The following VPS13B variants were observed in gnomAD, a reference collection of about 807,000 sequenced individuals.
VPS13B encodes intermembrane lipid transfer protein VPS13B.
In VPS13B, 285 loss-of-function variants were observed where a neutral mutation model predicts 426.4. That is an observed-to-expected ratio of 0.67 (90% confidence interval 0.61 to 0.74). The LOEUF (loss-of-function observed/expected upper bound fraction) is 0.74. Ranked by LOEUF, VPS13B falls within the 30% of genes least tolerant of loss-of-function variation. The pLI is 0.00. For synonymous variants in VPS13B, 1,676 were observed against 1,676.4 expected, an observed-to-expected ratio of 1.00 and a Z score of 0.01; for missense variants, 4,537 against 4,782.6, an observed-to-expected ratio of 0.95 and a Z score of 1.51.
chr8:99,040,542 A>G (rs1232736869), intron 3 of VPS13B, among the ~76,000 whole-genome samples: 2 of 152,198 alleles, frequency 1.3e-5, no homozygotes, highest in Non-Finnish European at 2.9e-5. Context: ...GCGTAAAAAC[A>G]TTGTAGATGA....
chr8:99,558,917 A>G (rs367722977), intron 31 of VPS13B, among the ~76,000 whole-genome samples: 4 of 152,192 alleles, frequency 2.6e-5, no homozygotes, highest in East Asian at 1.9e-4. Flanking sequence ...TCCTTTGGGT[A>G]TATACCCAGT....
intron 19 of VPS13B, among the ~76,000 whole-genome samples, chr8:99,336,696 G>T (rs1375414351): frequency 2.0e-5 from 3 of 152,098 alleles, no homozygotes; most frequent in Non-Finnish European, 1.5e-5. Flanking sequence ...TCAAAAAGTG[G>T]GTGAAGGATA....
intron 2 of VPS13B, among the ~76,000 whole-genome samples, chr8:99,028,651 T>C (rs373172626): frequency 0.73 from 54,919 of 75,342 alleles, 20,922 homozygotes; most frequent in South Asian, 0.86. Context: ...CCGGACGGGG[T>C]GGCTGGCCAG....
intron 61 of VPS13B, 103 bp downstream of exon 61, chr8:99,871,800 T>G: frequency 6.3e-7 from 1 of 1,585,368 alleles, no homozygotes. Flanking sequence ...GCCTCTGGAG[T>G]GGCTGCTGGA....
At chr8:99,660,816 A>G (rs1270860234) in intron 34 of VPS13B, among the ~76,000 whole-genome samples, 2 of 152,134 alleles carry the variant, frequency 1.3e-5, no homozygotes, top group Non-Finnish European at 2.9e-5. Flanking sequence ...GAGACTGACC[A>G]ATTTTATCAA....
At chr8:99,711,837 G>T (rs1419947596) in intron 36 of VPS13B, among the ~76,000 whole-genome samples, 4 of 152,118 alleles carry the variant, frequency 2.6e-5, no homozygotes, top group Admixed American at 1.3e-4. Context: ...CCCAATATAT[G>T]GTAGATAACC....
chr8:99,169,840 C>T (rs1460255107), intron 15 of VPS13B, among the ~76,000 whole-genome samples, 199 bp from the exon 16 acceptor site: 1 of 151,904 alleles, frequency 6.6e-6, no homozygotes, highest in African/African-American at 2.4e-5. Flanking sequence ...GAAATAAATA[C>T]TGTATATTTA....
intron 33 of VPS13B, among the ~76,000 whole-genome samples, chr8:99,619,778 G>A (rs1044273409): frequency 6.6e-6 from 1 of 151,986 alleles, no homozygotes; most frequent in African/African-American, 2.4e-5. Flanking sequence ...GGCTGAGGTG[G>A]AAGAATCACT....
intron 1 of VPS13B, 128 bp from the exon 2 acceptor site, chr8:99,013,632 T>G (rs925235934): frequency 6.0e-5 from 48 of 804,118 alleles, no homozygotes; most frequent in Admixed American, 8.9e-5. Context: ...CCGCTGGAGT[T>G]TTTCTCTGTT....
chr8:99,713,210 A>G (rs1284076868), intron 36 of VPS13B, among the ~76,000 whole-genome samples: 1 of 152,258 alleles, frequency 6.6e-6, no homozygotes, highest in African/African-American at 2.4e-5. Flanking sequence ...AAGCCACTAT[A>G]GCGTGAGAAA....
At chr8:99,226,543 T>C (rs1816029376) in intron 17 of VPS13B, among the ~76,000 whole-genome samples, 1 of 152,180 alleles carries the variant, frequency 6.6e-6, no homozygotes, top group Non-Finnish European at 1.5e-5. Context: ...TCATGCATGT[T>C]GATATTTTTA....
At chr8:99,485,648 A>C (rs1029769377) in intron 25 of VPS13B, among the ~76,000 whole-genome samples, 11 of 152,202 alleles carry the variant, frequency 7.2e-5, no homozygotes, top group Non-Finnish European at 1.5e-4. Flanking sequence ...CTATATTTAA[A>C]TCTGTATACA....
In VPS13B at chr8:99,809,374, G is replaced by T; in HGVS notation, c.7942-1G>T. On this transcript the variant is annotated splice_acceptor_variant, in intron 43 of 61. Coordinates refer to ENST00000357162, the MANE Select transcript of VPS13B (RefSeq NM_152564.5). LOFTEE classifies it high-confidence loss of function. ...ATGACGATTATTGTTTTTTTCTCCA[G>T]CTGTTACACATCTGTATTGAAGGTT... 6.2e-7 allele frequency: 1 copy of T among 1,613,894 alleles called. No homozygotes were observed. The highest frequency in any genetic ancestry group is 8.5e-7 in the Non-Finnish European group (1 of 1,179,920).
chr8:99,763,350 C>T (rs1811046356), intron 39 of VPS13B, among the ~76,000 whole-genome samples: 2 of 152,044 alleles, frequency 1.3e-5, no homozygotes, highest in Middle Eastern at 3.4e-3. Flanking sequence ...ATTATTCATT[C>T]ATTTATTCAG....
Position 99,501,982 on chromosome 8 carries a change from T to TTTCC in VPS13B, c.4042+124_4042+125insTTCC, listed in dbSNP as rs1234636018. ...CTGTCTGTCTGTCTGTCTTTCCGTC[T>TTTCC]GTCTGTCTGTCTTTCCTTTCTGACA... On this transcript the variant is annotated intron_variant, in intron 26 of 61. Coordinates refer to ENST00000357162, the MANE Select transcript of VPS13B (RefSeq NM_152564.5). 659 of 1,110,458 alleles carry TTTCC rather than the reference T, an allele frequency of 5.9e-4. 3 individuals carry two copies. The African/African-American group carries it at 9.5e-3, about 16-fold the overall frequency. The allele number at this position is 1,110,458 out of a possible 1,614,324, so 68.8% of individuals were successfully genotyped here.
At chr8:99,066,991 C>G (rs553956710) in intron 3 of VPS13B, among the ~76,000 whole-genome samples, 1 of 152,118 alleles carries the variant, frequency 6.6e-6, no homozygotes, top group South Asian at 2.1e-4. Context: ...AGTCAGGAAA[C>G]AACAGATGCT....
At chr8:99,638,821 A>T (rs1829176429) in intron 33 of VPS13B, among the ~76,000 whole-genome samples, 1 of 152,176 alleles carries the variant, frequency 6.6e-6, no homozygotes, top group Non-Finnish European at 1.5e-5. Context: ...TTTATATCGT[A>T]ACAATCATGT....
rs1449654147 is a variant in VPS13B at position 99,779,005 on chromosome 8, A to G, written c.7753A>G (p.Asn2585Asp). 1 of 1,613,676 alleles carries G rather than the reference A, an allele frequency of 6.2e-7. No individual in the cohort carries two copies. Among genetic ancestry groups the G allele is most frequent in the Non-Finnish European group, 8.5e-7 (1 of 1,179,804 alleles). ...NLGQHVVHSL[N>D]TAIQAWQQNK... Reference sequence around the variant, plus strand: ...TGGACAGCATGTAGTCCATTCACTAAACACTGCAATACAAGCTTGGCAACA... The same window carrying G: ...TGGACAGCATGTAGTCCATTCACTAGACACTGCAATACAAGCTTGGCAACA... Residue 2585 changes from asparagine (N) to aspartate (D), a missense_variant, in exon 42 of 62, where the codon AAC becomes GAC. Transcript: ENST00000357162.
intron 24 of VPS13B, among the ~76,000 whole-genome samples, chr8:99,475,493 C>A (rs964953520): frequency 6.6e-6 from 1 of 152,160 alleles, no homozygotes; most frequent in African/African-American, 2.4e-5. Context: ...TTCTTAGACT[C>A]CACTATTATT....
Sources: allele counts gnomAD v4.1 joint callset (sites outside exome capture counted in the v4.1 genomes callset), GRCh38; gene constraint gnomAD v4.1.1; transcripts MANE v1.5; gene names NCBI Gene and HGNC (gene_info 2026-07-23, HGNC 2026-07-21).